GSE1: variants seen among roughly 807,000 people sequenced by gnomAD.
GSE1 encodes Gse1 coiled-coil protein, also known as genetic suppressor element 1.
In GSE1, 32 loss-of-function variants were observed where a neutral mutation model predicts 112.6. The observed-to-expected ratio is 0.28, with a 90% CI of 0.21 to 0.38. The LOEUF is 0.38. Ranked by LOEUF, GSE1 falls within the 10% of genes least tolerant of loss-of-function variation. GSE1 has a pLI of 1.00. For missense variants in GSE1, 2,348 were observed against 1,699.2 expected (o/e 1.38, Z -6.71); for synonymous variants, 1,115 against 735.6 (o/e 1.52, Z -8.35).
chr16:85,410,395 C>G (rs1314222278), intron 2 of GSE1, among the ~76,000 whole-genome samples: 14 of 31,734 alleles, frequency 4.4e-4, no homozygotes, highest in South Asian at 1.5e-3. Flanking sequence ...TACACTCAGG[C>G]CCCCCTGGAT....
intron 2 of GSE1, among the ~76,000 whole-genome samples, chr16:85,396,629 G>T (rs866478291): frequency 6.6e-6 from 1 of 152,236 alleles, no homozygotes; most frequent in African/African-American, 2.4e-5. Context: ...CTCCGATTGG[G>T]AGCAGGATTT....
In GSE1 at chr16:85,210,700, G is replaced by A. The variant is rs547946310; in HGVS notation, c.2283+38893G>A. ...AATATGCCTGTGTAAGTTGAGGCTG[G>A]GAGGAATTTGGGAAGCTGCATGAGG... On this transcript the variant is annotated intron_variant, in intron 1 of 2. Transcript: ENST00000637419. Among the ~76,000 whole-genome samples the A allele has an allele frequency of 7.2e-5, 11 of 152,328 alleles. No individual in the cohort carries two copies. In the East Asian group the frequency reaches 1.7e-3, roughly 24 times the overall value.
At chr16:85,234,526 G>A (rs1418569061) in intron 1 of GSE1, among the ~76,000 whole-genome samples, 2 of 152,134 alleles carry the variant, frequency 1.3e-5, no homozygotes, top group African/African-American at 4.8e-5. Context: ...CTGAGCTAGC[G>A]GATCCCACTA....
upstream of GSE1, among the ~76,000 whole-genome samples, chr16:85,551,344 T>TAGAC (rs1001043602): frequency 3.9e-5 from 6 of 152,214 alleles, no homozygotes; most frequent in Non-Finnish European, 7.4e-5. Context: ...TGGTGTGGCC[T>TAGAC]AGACTGGTGG....
At chr16:85,524,162 C>G (rs1598060392) in intron 2 of GSE1, among the ~76,000 whole-genome samples, 2 of 152,244 alleles carry the variant, frequency 1.3e-5, no homozygotes, top group African/African-American at 4.8e-5. Flanking sequence ...CCGTCTGATT[C>G]CTGTGGCTGC....
chr16:85,552,125 A>G (rs1598150995), upstream of GSE1, among the ~76,000 whole-genome samples: 4 of 151,114 alleles, frequency 2.6e-5, no homozygotes, highest in Admixed American at 2.6e-4. Context: ...TTCAGGGTTC[A>G]CACCATTCTC....
chr16:85,416,191 C>T (rs1240788901), intron 2 of GSE1, among the ~76,000 whole-genome samples: 1 of 152,170 alleles, frequency 6.6e-6, no homozygotes, highest in African/African-American at 2.4e-5. Flanking sequence ...TGTATTTTTA[C>T]ATTAGAGCGC....
intron 2 of GSE1, among the ~76,000 whole-genome samples, chr16:85,369,822 C>T (rs1310115829): frequency 6.6e-6 from 1 of 152,214 alleles, no homozygotes; most frequent in Non-Finnish European, 1.5e-5. Context: ...TATTGAGCGC[C>T]GACTGTGTGC....
intron 2 of GSE1, among the ~76,000 whole-genome samples, chr16:85,540,420 A>G (rs1379419509): frequency 6.6e-6 from 1 of 152,188 alleles, no homozygotes; most frequent in Non-Finnish European, 1.5e-5. Flanking sequence ...AGGGTCTCCT[A>G]TCGGATCCCC....
upstream of GSE1, among the ~76,000 whole-genome samples, chr16:85,552,455 C>A (rs1384257276): frequency 3.9e-5 from 5 of 128,154 alleles, 1 homozygote; most frequent in Non-Finnish European, 7.1e-5. Context: ...TCTCAGCCTC[C>A]CGAGTAGCTG....
intron 1 of GSE1, among the ~76,000 whole-genome samples, chr16:85,581,630 A>G (rs2046453158): frequency 6.6e-6 from 1 of 152,136 alleles, no homozygotes; most frequent in Non-Finnish European, 1.5e-5. Flanking sequence ...GCATGTGCAT[A>G]TGTGTGCAGG....
At chr16:85,645,780 CCTT>C (rs879301875) in intron 2 of GSE1, among the ~76,000 whole-genome samples, 6 of 152,236 alleles carry the variant, frequency 3.9e-5, no homozygotes, top group Non-Finnish European at 7.3e-5. Context: ...CTGGGGTCCT[CCTT>C]CTGGAAAGGG....
intron 1 of GSE1, among the ~76,000 whole-genome samples, chr16:85,630,200 A>C (rs2049425797): frequency 6.6e-6 from 1 of 152,324 alleles, no homozygotes; most frequent in East Asian, 1.9e-4. Flanking sequence ...CAAGAGGGCC[A>C]GGAAGGAGGT....
At chr16:85,641,619 C>G (rs535141390) in intron 2 of GSE1, among the ~76,000 whole-genome samples, 209 of 152,392 alleles carry the variant, frequency 1.4e-3, no homozygotes, top group African/African-American at 4.9e-3. Flanking sequence ...TGTACCAGGG[C>G]TGCGGTGACT....
chr16:85,186,491 T>C (rs2074704148), intron 1 of GSE1, among the ~76,000 whole-genome samples: 1 of 151,646 alleles, frequency 6.6e-6, no homozygotes, highest in African/African-American at 2.4e-5. Flanking sequence ...TAGTCCCAGC[T>C]ACTAGAGAGG....
chr16:85,180,133 C>A (rs2074551855), intron 1 of GSE1, among the ~76,000 whole-genome samples: 1 of 152,264 alleles, frequency 6.6e-6, no homozygotes, highest in Non-Finnish European at 1.5e-5. Context: ...GTGTTTTAAG[C>A]TCTGCTGCCT....
rs574772483 is a variant in GSE1 at position 85,262,773 on chromosome 16, G to A, written c.2283+90966G>A. Among the ~76,000 whole-genome samples the A allele has an allele frequency of 6.6e-5, 10 of 152,334 alleles. No homozygotes were observed. In the South Asian group the frequency reaches 1.9e-3, roughly 28 times the overall value. On this transcript the variant is annotated intron_variant, in intron 1 of 2. Transcript: ENST00000637419. ...ATCCGAAATTGGGTATGGGAGTGAT[G>A]CTTGCTCCGTCTCTCACAAGCTTGC...
chr16:85,482,508 C>CG (rs1555519340), intron 2 of GSE1, among the ~76,000 whole-genome samples: 1 of 118,384 alleles, frequency 8.4e-6, no homozygotes, highest in African/African-American at 3.5e-5. Context: ...GTTCCCCCCC[C>CG]AAATAAAATC....
chr16:85,322,877 A>G (rs760423139), intron 1 of GSE1, among the ~76,000 whole-genome samples: 95 of 151,962 alleles, frequency 6.3e-4, no homozygotes, highest in Non-Finnish European at 1.2e-3. Flanking sequence ...TGGCCTCCCA[A>G]AGTGCTGGGA....
Sources: allele counts gnomAD v4.1 joint callset (sites outside exome capture counted in the v4.1 genomes callset), GRCh38; gene constraint gnomAD v4.1.1; transcripts MANE v1.5; gene names NCBI Gene and HGNC (gene_info 2026-07-23, HGNC 2026-07-21).